RPS6KC1: variants seen among roughly 807,000 people sequenced by gnomAD.
RPS6KC1 encodes the protein ribosomal protein S6 kinase C1.
A neutral mutation model predicts 103.8 loss-of-function variants in RPS6KC1; 54 were observed. The ratio of observed to expected loss-of-function variants is 0.52; its 90% CI spans 0.42 to 0.65. The LOEUF (loss-of-function observed/expected upper bound fraction) is 0.65. Ranked by LOEUF, RPS6KC1 falls within the 30% of genes least tolerant of loss-of-function variation. The probability of loss-of-function intolerance (pLI) is 0.00; values close to 1 mark genes in which losing one functional copy is unlikely to be tolerated. For synonymous variants in RPS6KC1, 439 were observed against 438.7 expected, an observed-to-expected ratio of 1.00 and a Z score of -0.01; for missense variants, 1,151 against 1,253.8, an observed-to-expected ratio of 0.92 and a Z score of 1.24.
At chr1:213,281,416 T>A in the RPS6KC1 span, among the ~76,000 whole-genome samples, 2 of 152,244 alleles carry the variant, frequency 1.3e-5, no homozygotes, top group African/African-American at 2.4e-5. Flanking sequence ...TGCCTCCACC[T>A]AATGTGATTA....
chr1:213,179,915 A>G (rs947884130), intron 8 of RPS6KC1, among the ~76,000 whole-genome samples: 6 of 152,160 alleles, frequency 3.9e-5, no homozygotes, highest in African/African-American at 2.4e-5. Context: ...TTAATTTTAA[A>G]TATATATAGA....
At chr1:213,326,399 A>G in the RPS6KC1 span, among the ~76,000 whole-genome samples, 1 of 152,222 alleles carries the variant, frequency 6.6e-6, no homozygotes, top group African/African-American at 2.4e-5. Context: ...AACACAGACA[A>G]AAGAACAGCT....
intron 8 of RPS6KC1, among the ~76,000 whole-genome samples, chr1:213,209,498 C>G (rs1161234323): frequency 1.3e-5 from 2 of 151,812 alleles, no homozygotes; most frequent in Non-Finnish European, 2.9e-5. Flanking sequence ...GAGTTCAAGA[C>G]CAGCCTGGCC....
intron 10 of RPS6KC1, among the ~76,000 whole-genome samples, chr1:213,232,702 A>G (rs573638764): frequency 6.6e-6 from 1 of 152,336 alleles, no homozygotes; most frequent in Non-Finnish European, 1.5e-5. Context: ...GACATTACCT[A>G]GTCATTCTGA....
chr1:213,543,687 G>A, the RPS6KC1 span, among the ~76,000 whole-genome samples: 9 of 152,186 alleles, frequency 5.9e-5, no homozygotes, highest in Non-Finnish European at 8.8e-5. Flanking sequence ...AACCATCCCA[G>A]TTCAGAACAA....
chr1:213,337,979 C>T, the RPS6KC1 span, among the ~76,000 whole-genome samples: 1 of 151,908 alleles, frequency 6.6e-6, no homozygotes, highest in Non-Finnish European at 1.5e-5. Flanking sequence ...GTAGGAGTGG[C>T]GTGTGTGTCT....
chr1:213,545,440 AGAG>A, the RPS6KC1 span, among the ~76,000 whole-genome samples: 2 of 150,452 alleles, frequency 1.3e-5, no homozygotes, highest in African/African-American at 2.4e-5. Context: ...TAAAAGAGAG[AGAG>A]AGAGAGAGAA....
chr1:213,240,620 G>A (rs2094328762), intron 10 of RPS6KC1, 82 bp from the exon 11 acceptor site: 1 of 1,138,584 alleles, frequency 8.8e-7, no homozygotes, highest in South Asian at 1.5e-5. Flanking sequence ...TTTTAAGATA[G>A]TTTTTGTTTT....
the RPS6KC1 span, among the ~76,000 whole-genome samples, chr1:213,283,611 C>T: frequency 6.6e-6 from 1 of 152,128 alleles, no homozygotes; most frequent in South Asian, 2.1e-4. Flanking sequence ...ACTCTAACAC[C>T]TGGTAAGTGC....
chr1:213,330,515 G>A, the RPS6KC1 span, among the ~76,000 whole-genome samples: 2 of 152,208 alleles, frequency 1.3e-5, no homozygotes, highest in Non-Finnish European at 1.5e-5. Flanking sequence ...CTAGATCCGT[G>A]TGCAATCGGG....
chr1:213,161,218 A>C (rs1465413639), intron 6 of RPS6KC1, among the ~76,000 whole-genome samples: 1 of 152,056 alleles, frequency 6.6e-6, no homozygotes, highest in African/African-American at 2.4e-5. Context: ...GAACATTTTC[A>C]CTCTGGTAGT....
At chr1:213,080,705 T>A (rs967880010) in intron 3 of RPS6KC1, among the ~76,000 whole-genome samples, 3 of 152,112 alleles carry the variant, frequency 2.0e-5, no homozygotes, top group African/African-American at 7.2e-5. Flanking sequence ...GCTGGGACTA[T>A]AGGCACATGC....
the RPS6KC1 span, among the ~76,000 whole-genome samples, chr1:213,664,205 T>TGGGGGGG: frequency 6.7e-5 from 3 of 44,902 alleles, no homozygotes; most frequent in Non-Finnish European, 1.3e-4. Context: ...GGGGGCGGGG[T>TGGGGGGG]GGGGAGGGGA....
chr1:213,637,842 G>A, the RPS6KC1 span, among the ~76,000 whole-genome samples: 1 of 151,694 alleles, frequency 6.6e-6, no homozygotes, highest in Non-Finnish European at 1.5e-5. Flanking sequence ...TGTTTTTTTA[G>A]GTAGTGTCTC....
chr1:213,473,855 G>C, the RPS6KC1 span, among the ~76,000 whole-genome samples: 24 of 152,300 alleles, frequency 1.6e-4, no homozygotes, highest in Admixed American at 5.9e-4. Context: ...GAGGTTTGAA[G>C]AATTGGAATC....
rs1159566064 is a variant in RPS6KC1, at chr1:213,173,210, T to G, written c.952-3190T>G. Among the ~76,000 whole-genome samples the G allele has an allele frequency of 4.6e-5, 7 of 152,356 alleles. No individual in the cohort carries two copies. The South Asian group carries it at 1.2e-3, about 27-fold the overall frequency. On this transcript the variant is annotated intron_variant, in intron 7 of 14. Transcript: ENST00000366960. ...TTCTACCCAATTTAAGCACTACATA[T>G]GAGAAATACAATTTTTTTATTGATG... is the stretch of plus-strand genomic sequence containing the variant.
At chr1:213,328,540 A>ATATATATC in the RPS6KC1 span, among the ~76,000 whole-genome samples, 1 of 133,260 alleles carries the variant, frequency 7.5e-6, no homozygotes, top group Non-Finnish European at 1.6e-5. Flanking sequence ...ATATATATAT[A>ATATATATC]TCACACACAC....
At chr1:213,320,921 T>C in the RPS6KC1 span, among the ~76,000 whole-genome samples, 1 of 152,190 alleles carries the variant, frequency 6.6e-6, no homozygotes, top group Non-Finnish European at 1.5e-5. Context: ...CTGCTCTGTT[T>C]CTCATTACAG....
At chr1:213,783,577 G>T in the RPS6KC1 span, among the ~76,000 whole-genome samples, 1 of 152,012 alleles carries the variant, frequency 6.6e-6, no homozygotes, top group Admixed American at 6.5e-5. Context: ...ACTTCAAAAG[G>T]CGAGGTGGTA....
Sources: gnomAD v4.1 joint callset for allele counts (sites outside exome capture counted in the v4.1 genomes callset) on GRCh38, gnomAD v4.1.1 for gene constraint, MANE v1.5 for transcripts, NCBI Gene and HGNC (gene_info 2026-07-23, HGNC 2026-07-21) for gene names.